PCDH9: variants seen among roughly 807,000 people sequenced by gnomAD.
The protein encoded by PCDH9 is protocadherin-9.
In PCDH9, 24 loss-of-function variants were observed where a neutral mutation model predicts 70.6. The ratio of observed to expected loss-of-function variants is 0.34; its 90% CI spans 0.25 to 0.48. The LOEUF (loss-of-function observed/expected upper bound fraction) is 0.48. PCDH9 is among the 20% of genes least tolerant of loss of function. The pLI, the probability that PCDH9 is intolerant of heterozygous loss-of-function variation, is 0.99. For synonymous variants in PCDH9, 562 were observed against 558.5 expected (o/e 1.01, Z -0.09); for missense variants, 1,281 against 1,503.6 (o/e 0.85, Z 2.45).
chr13:66,876,101 G>C (rs538582336), intron 3 of PCDH9, among the ~76,000 whole-genome samples: 1 of 152,284 alleles, frequency 6.6e-6, no homozygotes, highest in South Asian at 2.1e-4. Flanking sequence ...GTATTGATAA[G>C]TGTCTAGTGG....
intron 4 of PCDH9, among the ~76,000 whole-genome samples, chr13:66,443,774 T>C (rs1188719832): frequency 3.9e-5 from 6 of 152,116 alleles, no homozygotes; most frequent in Non-Finnish European, 8.8e-5. Flanking sequence ...ATTTGAAAAA[T>C]CCTTAAAGAA....
At chr13:66,715,636 G>C (rs749815770) in intron 3 of PCDH9, among the ~76,000 whole-genome samples, 1 of 152,106 alleles carries the variant, frequency 6.6e-6, no homozygotes, top group Non-Finnish European at 1.5e-5. Flanking sequence ...GCACATCTTT[G>C]TGTGTAATAT....
At chr13:66,732,391 T>C (rs1318781589) in intron 3 of PCDH9, among the ~76,000 whole-genome samples, 1 of 152,024 alleles carries the variant, frequency 6.6e-6, no homozygotes, top group Non-Finnish European at 1.5e-5. Flanking sequence ...TGTGATATAA[T>C]GTAAAATTTA....
At chr13:67,035,320 C>A (rs1300511478) in intron 2 of PCDH9, among the ~76,000 whole-genome samples, 2 of 152,000 alleles carry the variant, frequency 1.3e-5, no homozygotes, top group African/African-American at 2.4e-5. Context: ...ATATAAATCA[C>A]ACATACATAT....
intron 4 of PCDH9, among the ~76,000 whole-genome samples, chr13:66,600,164 G>C (rs1382986894): frequency 1.3e-5 from 2 of 151,894 alleles, no homozygotes; most frequent in African/African-American, 4.8e-5. Context: ...CTTCTAATGA[G>C]TTTATTAGAC....
intron 3 of PCDH9, among the ~76,000 whole-genome samples, chr13:66,632,283 C>G (rs942771520): frequency 2.0e-5 from 3 of 152,184 alleles, no homozygotes; most frequent in Non-Finnish European, 2.9e-5. Context: ...TTTGAAGAGT[C>G]TCAGGATCGA....
intron 3 of PCDH9, among the ~76,000 whole-genome samples, chr13:66,671,203 C>T (rs182647315): frequency 6.6e-6 from 1 of 152,254 alleles, no homozygotes; most frequent in African/African-American, 2.4e-5. Flanking sequence ...GGCTCCCCAG[C>T]CATGTGGAAC....
At chr13:66,541,786 C>G (rs1040807958) in intron 4 of PCDH9, among the ~76,000 whole-genome samples, 3 of 152,180 alleles carry the variant, frequency 2.0e-5, no homozygotes, top group African/African-American at 7.2e-5. Flanking sequence ...TGGAAACTGT[C>G]TGACCCACTA....
chr13:67,020,221 A>G (rs1048981818), intron 2 of PCDH9, among the ~76,000 whole-genome samples: 1 of 152,208 alleles, frequency 6.6e-6, no homozygotes, highest in Non-Finnish European at 1.5e-5. Flanking sequence ...CACAACAACA[A>G]AAGCTTTTAT....
intron 2 of PCDH9, among the ~76,000 whole-genome samples, chr13:66,955,302 T>C (rs1401847980): frequency 2.6e-5 from 4 of 152,198 alleles, no homozygotes; most frequent in Non-Finnish European, 1.5e-5. Flanking sequence ...AATCAGCTTA[T>C]TTATTAGAGC....
chr13:67,022,423 G>T (rs545579269), intron 2 of PCDH9, among the ~76,000 whole-genome samples: 10 of 152,056 alleles, frequency 6.6e-5, no homozygotes, highest in Admixed American at 6.6e-4. Context: ...ACCCAGCCAG[G>T]TGATGGTCTT....
At chr13:66,428,001 G>C (rs891612659) in intron 4 of PCDH9, among the ~76,000 whole-genome samples, 2 of 151,634 alleles carry the variant, frequency 1.3e-5, no homozygotes, top group Admixed American at 6.6e-5. Context: ...AACTAAGTTT[G>C]CAAATGAAAA....
chr13:66,362,309 ATTG>A (rs1344659672), intron 4 of PCDH9, among the ~76,000 whole-genome samples: 1 of 152,136 alleles, frequency 6.6e-6, no homozygotes, highest in African/African-American at 2.4e-5. Context: ...TTGTAGTCAA[ATTG>A]TTGTTTCGTG....
At chr13:66,782,892 A>G (rs2080022692) in intron 3 of PCDH9, 1 of 152,214 alleles carries the variant, frequency 6.6e-6, no homozygotes, top group Non-Finnish European at 1.5e-5. Flanking sequence ...TAAATTAATG[A>G]CCCGCTATAC....
intron 2 of PCDH9, among the ~76,000 whole-genome samples, chr13:67,143,804 C>A (rs1398304700): frequency 6.6e-6 from 1 of 152,040 alleles, no homozygotes; most frequent in African/African-American, 2.4e-5. Context: ...ACAGAGGATT[C>A]CATTTGAAAC....
chr13:66,627,717 CT>C (rs1363977695), intron 4 of PCDH9, among the ~76,000 whole-genome samples: 5 of 152,316 alleles, frequency 3.3e-5, no homozygotes, highest in Admixed American at 3.3e-4. Flanking sequence ...AGTGACGTCA[CT>C]GTGCTGGGTG....
At chr13:66,937,046 C>A (rs1167597037) in intron 2 of PCDH9, among the ~76,000 whole-genome samples, 1 of 152,152 alleles carries the variant, frequency 6.6e-6, no homozygotes, top group Admixed American at 6.5e-5. Flanking sequence ...TATAAGTATG[C>A]ATGATCATCG....
chr13:67,139,017 T>C (rs17517887), intron 2 of PCDH9, among the ~76,000 whole-genome samples: 4,923 of 152,252 alleles, frequency 0.032, 222 homozygotes, highest in Admixed American at 0.13. Context: ...AGCAGTAAGA[T>C]AATACCTGTA....
chr13:66,854,313 TTTC>T (rs1191368872), intron 3 of PCDH9, among the ~76,000 whole-genome samples: 2 of 152,202 alleles, frequency 1.3e-5, no homozygotes, highest in Non-Finnish European at 2.9e-5. Context: ...TGACCTGACA[TTTC>T]TTCAATAAAT....
Sources: allele counts gnomAD v4.1 joint callset (sites outside exome capture counted in the v4.1 genomes callset), GRCh38; gene constraint gnomAD v4.1.1; transcripts MANE v1.5; gene names NCBI Gene and HGNC (gene_info 2026-07-23, HGNC 2026-07-21).